Variants in ZNF431 observed in about 807,000 individuals in gnomAD.
ZNF431 encodes the protein zinc finger protein 431.
In ZNF431, 34 loss-of-function variants were observed where a neutral mutation model predicts 57.0. The ratio of observed to expected loss-of-function variants is 0.60; its 90% CI spans 0.45 to 0.79. The LOEUF (loss-of-function observed/expected upper bound fraction) is 0.79. ZNF431 is among the 30% of genes least tolerant of loss of function. The pLI is 0.00. For missense variants in ZNF431, 607 were observed against 667.1 expected (o/e 0.91, Z 0.99); for synonymous variants, 207 against 220.3 (o/e 0.94, Z 0.54).
intron 4 of ZNF431, among the ~76,000 whole-genome samples, chr19:21,171,165 A>G (rs972973219): frequency 6.6e-6 from 1 of 151,172 alleles, no homozygotes; most frequent in Non-Finnish European, 1.5e-5. Flanking sequence ...ATGCTTATTT[A>G]AAAAGTTTCT....
chr19:21,169,512 C>G (rs1293351215), intron 4 of ZNF431, among the ~76,000 whole-genome samples: 2 of 152,090 alleles, frequency 1.3e-5, no homozygotes, highest in African/African-American at 4.8e-5. Context: ...TGATGGAATG[C>G]CCTCTGGGTT....
In ZNF431 at chr19:21,185,037, A is replaced by G. The variant is rs145011836; in HGVS notation, c.*1003A>G. 1.9e-3 allele frequency: 289 copies of G among 152,324 alleles called. 1 individual carries two copies. Among genetic ancestry groups the G allele is most frequent in the African/African-American group, 6.6e-3 (273 of 41,592 alleles). 9.4% of individuals were successfully genotyped at this position (152,324 alleles called of 1,614,324 possible). On this transcript the variant is annotated 3_prime_UTR_variant, in exon 5 of 5. Coordinates refer to ENST00000311048, the MANE Select transcript of ZNF431 (RefSeq NM_133473.4). ...TAAATTTGGAAAAACAATTTTTCAA[A>G]AACTACAGCTTAGAAATCAACAGTT...
intron 2 of ZNF431, chr19:21,150,112 C>A: frequency 1.6e-6 from 1 of 638,518 alleles, no homozygotes; most frequent in Admixed American, 2.0e-5. Flanking sequence ...ACAGCCTCTG[C>A]TTCTCCTCTT....
intron 2 of ZNF431, chr19:21,149,761 G>A (rs1416453377): frequency 1.1e-5 from 7 of 635,450 alleles, no homozygotes; most frequent in Non-Finnish European, 1.8e-5. Context: ...ATCTCATCCT[G>A]TCATTGTAGT....
intron 4 of ZNF431, among the ~76,000 whole-genome samples, chr19:21,177,352 T>C (rs567105895): frequency 1.5e-4 from 23 of 152,336 alleles, no homozygotes; most frequent in Admixed American, 1.2e-3. Context: ...TGCAATCTTA[T>C]TTCTCAGTTC....
intron 2 of ZNF431, among the ~76,000 whole-genome samples, chr19:21,146,442 G>A (rs1400906129): frequency 6.6e-6 from 1 of 150,452 alleles, no homozygotes; most frequent in Non-Finnish European, 1.5e-5. Flanking sequence ...AAGAAAGAAA[G>A]TAAAGGAATA....
rs549458423 is a variant in ZNF431, at chr19:21,150,224, C to G, written c.96+6581C>G. On this transcript the variant is annotated intron_variant, in intron 2 of 4. Transcript: ENST00000311048. ...CTGGTTAATCACAGAAAAACACTTT[C>G]AGCCGCCTATAGAGGATGGCTCTTT... 3.3e-4 allele frequency: 173 copies of G among 531,876 alleles called. 1 individual carries two copies. The highest frequency in any genetic ancestry group is 3.0e-3 in the African/African-American group (156 of 52,052). The allele number at this position is 531,876 out of a possible 1,614,324, so 32.9% of individuals were successfully genotyped here.
intron 2 of ZNF431, among the ~76,000 whole-genome samples, chr19:21,149,471 C>G (rs974621183): frequency 3.9e-5 from 6 of 152,192 alleles, no homozygotes; most frequent in Non-Finnish European, 8.8e-5. Context: ...TACGCTCTTA[C>G]TATTTTTAAA....
chr19:21,175,589 G>GCA (rs1197541958), intron 4 of ZNF431: 75 of 533,702 alleles, frequency 1.4e-4, no homozygotes, highest in African/African-American at 5.9e-4. Flanking sequence ...CCCTCCCCGT[G>GCA]ACAGACCCCA....
intron 2 of ZNF431, among the ~76,000 whole-genome samples, chr19:21,143,877 AAAAAAC>A (rs918990869): frequency 1.6e-4 from 24 of 152,278 alleles, no homozygotes; most frequent in African/African-American, 4.3e-4. Context: ...AAAGACCAGA[AAAAAAC>A]AAAAACAAAA....
In ZNF431 at chr19:21,180,943, A is replaced by AG. The variant is rs1359707321; in HGVS notation, c.320-1679dup. ...CGACAGAGTGAGACTCCATATCAAA[A>AG]GAAAAAAAAAAAAAAAAGAACTTCA... On this transcript the variant is annotated intron_variant, in intron 4 of 4. Coordinates refer to ENST00000311048, the MANE Select transcript of ZNF431 (RefSeq NM_133473.4). 1.5e-4 allele frequency among the ~76,000 whole-genome samples: 22 copies of AG among 149,702 alleles called. No individual in the cohort carries two copies. The East Asian group carries it at 4.3e-3, about 29-fold the overall frequency.
chr19:21,175,671 T>C (rs1321638934), intron 4 of ZNF431, among the ~76,000 whole-genome samples: 5 of 152,318 alleles, frequency 3.3e-5, no homozygotes, highest in Non-Finnish European at 5.9e-5. Flanking sequence ...TGAGAACATA[T>C]GGTGTTTGGT....
At chr19:21,171,995 C>T (rs1970907960) in intron 4 of ZNF431, among the ~76,000 whole-genome samples, 1 of 151,638 alleles carries the variant, frequency 6.6e-6, no homozygotes, top group Non-Finnish European at 1.5e-5. Flanking sequence ...TCTGGGATTA[C>T]AGGCATGAGC....
intron 2 of ZNF431, among the ~76,000 whole-genome samples, chr19:21,147,023 A>T (rs1970119692): frequency 1.3e-5 from 2 of 152,250 alleles, no homozygotes; most frequent in Admixed American, 6.5e-5. Flanking sequence ...AGGATCAGTG[A>T]CATTTTATGT....
intron 2 of ZNF431, among the ~76,000 whole-genome samples, chr19:21,154,670 C>T (rs1970369861): frequency 1.3e-5 from 2 of 152,150 alleles, no homozygotes; most frequent in South Asian, 4.1e-4. Flanking sequence ...TCCACATCCT[C>T]TCCAGCACCT....
intron 4 of ZNF431, among the ~76,000 whole-genome samples, chr19:21,178,302 T>C (rs997380628): frequency 5.9e-5 from 9 of 152,120 alleles, no homozygotes; most frequent in African/African-American, 1.7e-4. Flanking sequence ...ATATCACTTA[T>C]TTATTTCTCT....
At chr19:21,160,422 A>G (rs1599591476) in intron 2 of ZNF431, among the ~76,000 whole-genome samples, 2 of 152,212 alleles carry the variant, frequency 1.3e-5, no homozygotes, top group South Asian at 4.1e-4. Context: ...AACCACAACT[A>G]TACCTACGTG....
intron 2 of ZNF431, among the ~76,000 whole-genome samples, chr19:21,154,689 C>A (rs1191175430): frequency 2.0e-5 from 3 of 152,040 alleles, no homozygotes; most frequent in African/African-American, 7.2e-5. Flanking sequence ...CTGTTGTTTC[C>A]TGACTTTTTA....
At chr19:21,162,614 C>A in intron 2 of ZNF431, 1 of 608,404 alleles carries the variant, frequency 1.6e-6, no homozygotes, top group Non-Finnish European at 2.1e-6. Context: ...CAGATTCACC[C>A]TTTTTGGAGC....
Sources: gnomAD v4.1 joint callset for allele counts (sites outside exome capture counted in the v4.1 genomes callset) on GRCh38, gnomAD v4.1.1 for gene constraint, MANE v1.5 for transcripts, NCBI Gene and HGNC (gene_info 2026-07-23, HGNC 2026-07-21) for gene names.